The following CCDC3 variants were observed in gnomAD, a reference collection of about 807,000 sequenced individuals.
The protein encoded by CCDC3 is coiled-coil domain-containing protein 3.
In CCDC3, 24 loss-of-function variants were observed where a neutral mutation model predicts 21.4. The observed-to-expected ratio is 1.12, with a 90% confidence interval of 0.81 to 1.58. CCDC3 has a LOEUF of 1.58. CCDC3 is among the 40% of genes most tolerant of loss of function. The pLI, the probability that CCDC3 is intolerant of heterozygous loss-of-function variation, is 0.00. For synonymous variants in CCDC3, 186 were observed against 166.0 expected (o/e 1.12, Z -0.93); for missense variants, 425 against 360.9 (o/e 1.18, Z -1.44).
At chr10:13,023,009 A>C (rs563639548) in intron 5 of CCDC3, among the ~76,000 whole-genome samples, 30 of 152,328 alleles carry the variant, frequency 2.0e-4, no homozygotes, top group African/African-American at 7.0e-4. Context: ...GAAAAGAAAG[A>C]GAGTCAAATA....
chr10:13,058,194 TG>T, intron 4 of CCDC3: 1 of 1,174,866 alleles, frequency 8.5e-7, no homozygotes, highest in Non-Finnish European at 1.3e-6. Flanking sequence ...CCCTTCAGGG[TG>T]CCAAAAACTT....
chr10:12,940,160 C>G (rs1036148066), intron 2 of CCDC3, among the ~76,000 whole-genome samples: 6 of 150,858 alleles, frequency 4.0e-5, no homozygotes, highest in African/African-American at 1.5e-4. Flanking sequence ...ATATATCAGA[C>G]TATTTCAGTT....
At chr10:12,988,029 C>T (rs1190536787) in intron 2 of CCDC3, among the ~76,000 whole-genome samples, 3 of 152,192 alleles carry the variant, frequency 2.0e-5, no homozygotes, top group Non-Finnish European at 2.9e-5. Context: ...AAAGGCTCAT[C>T]ACGTCTCACC....
intron 2 of CCDC3, among the ~76,000 whole-genome samples, chr10:12,960,043 A>G (rs1349594203): frequency 6.6e-6 from 1 of 152,132 alleles, no homozygotes; most frequent in East Asian, 1.9e-4. Flanking sequence ...AATCCCAGCT[A>G]CTTGGGAGGC....
At chr10:13,084,103 G>C (rs1187203777) in intron 3 of CCDC3, among the ~76,000 whole-genome samples, 2 of 152,126 alleles carry the variant, frequency 1.3e-5, no homozygotes, top group South Asian at 2.1e-4. Flanking sequence ...GCAAGATATA[G>C]TCATTAAGAA....
At chr10:13,064,574 A>G (rs1346247631) in intron 4 of CCDC3, among the ~76,000 whole-genome samples, 2 of 152,088 alleles carry the variant, frequency 1.3e-5, no homozygotes, top group African/African-American at 4.8e-5. Context: ...CAATACATGT[A>G]AGATGTACAC....
intron 4 of CCDC3, among the ~76,000 whole-genome samples, chr10:13,067,368 A>C (rs1263550424): frequency 1.3e-5 from 2 of 150,450 alleles, no homozygotes; most frequent in Non-Finnish European, 2.9e-5. Flanking sequence ...CTACCCTGTC[A>C]GCATTTAACT....
At chr10:12,979,399 G>A (rs1172593159) in intron 2 of CCDC3, among the ~76,000 whole-genome samples, 1 of 151,392 alleles carries the variant, frequency 6.6e-6, no homozygotes, top group Non-Finnish European at 1.5e-5. Flanking sequence ...CTCTGTCTTT[G>A]TTTTTGGTTT....
chr10:13,023,072 GT>G (rs1017708433), intron 5 of CCDC3, among the ~76,000 whole-genome samples: 141 of 84,574 alleles, frequency 1.7e-3, no homozygotes, highest in Middle Eastern at 5.6e-3. Context: ...CTTGAGTTGT[GT>G]TTTTTTTTGC....
At chr10:12,910,980 T>C (rs975134372) in intron 2 of CCDC3, among the ~76,000 whole-genome samples, 18 of 152,214 alleles carry the variant, frequency 1.2e-4, no homozygotes, top group Non-Finnish European at 7.3e-5. Flanking sequence ...GAAATGAATA[T>C]TATCTGTGAG....
At chr10:12,899,779 G>T (rs1490359946) in intron 2 of CCDC3, among the ~76,000 whole-genome samples, 1 of 152,244 alleles carries the variant, frequency 6.6e-6, no homozygotes. Context: ...GGGAGCATAT[G>T]CAAGAAACGG....
intron 2 of CCDC3, among the ~76,000 whole-genome samples, chr10:12,939,106 A>C (rs1834781938): frequency 6.6e-6 from 1 of 151,120 alleles, no homozygotes; most frequent in African/African-American, 2.5e-5. Context: ...TCTCTTTCCC[A>C]GTCTTTACAA....
intron 5 of CCDC3, among the ~76,000 whole-genome samples, chr10:13,038,813 T>C (rs1023794870): frequency 2.6e-5 from 4 of 152,220 alleles, no homozygotes; most frequent in African/African-American, 7.2e-5. Context: ...TGGGAAGGGA[T>C]AGATCTGTGG....
At chr10:12,965,974 A>T (rs985606180) in intron 2 of CCDC3, among the ~76,000 whole-genome samples, 1 of 152,164 alleles carries the variant, frequency 6.6e-6, no homozygotes, top group Non-Finnish European at 1.5e-5. Flanking sequence ...ATGACCACAA[A>T]TCATTAAGTT....
intron 1 of CCDC3, 82 bp downstream of exon 1, chr10:13,001,115 T>C (rs1835842385): frequency 1.4e-6 from 2 of 1,474,244 alleles, no homozygotes; most frequent in Non-Finnish European, 1.8e-6. Context: ...CCCGGGGAGT[T>C]ACCGGCCTGG....
chr10:13,016,103 TAA>T (rs1836055406), intron 5 of CCDC3, among the ~76,000 whole-genome samples: 1 of 151,890 alleles, frequency 6.6e-6, no homozygotes, highest in Non-Finnish European at 1.5e-5. Flanking sequence ...AGTTAAACAT[TAA>T]AAAAATTTTA....
intron 4 of CCDC3, among the ~76,000 whole-genome samples, chr10:13,056,241 G>A (rs1286268394): frequency 1.3e-5 from 2 of 152,180 alleles, no homozygotes; most frequent in African/African-American, 4.8e-5. Flanking sequence ...GACCTCCAAG[G>A]TCAATTTGGG....
chr10:13,047,352 TC>T (rs2131422570), intron 5 of CCDC3, among the ~76,000 whole-genome samples: 1 of 152,284 alleles, frequency 6.6e-6, no homozygotes, highest in Non-Finnish European at 1.5e-5. Flanking sequence ...AGCTGGAGCT[TC>T]CTTGACATCT....
In CCDC3 at chr10:13,052,961, CACACACACACACACACACACACACAT is replaced by C. The variant is rs1216659197; in HGVS notation, c.-269-3046_-269-3021del. The stretch of plus-strand genomic sequence containing the variant: ...TGTCACACACACACACACACACACA[CACACACACACACACACACACACACAT>C]ACACACACACACCTAGAAGTTCCAA... On this transcript the variant is annotated intron_variant, in intron 4 of 6. Transcript: ENST00000378839. Among the ~76,000 whole-genome samples the C allele has an allele frequency of 3.2e-4, 43 of 134,554 alleles. 1 individual carries two copies. Among genetic ancestry groups the C allele is most frequent in the Admixed American group, 7.7e-4 (10 of 13,018 alleles). 88.3% of individuals were successfully genotyped at this position (134,554 alleles called of 152,430 possible).
Sources: allele counts gnomAD v4.1 joint callset (sites outside exome capture counted in the v4.1 genomes callset), GRCh38; gene constraint gnomAD v4.1.1; transcripts MANE v1.5; gene names NCBI Gene and HGNC (gene_info 2026-07-23, HGNC 2026-07-21).